SCRIB: variants seen among roughly 807,000 people sequenced by gnomAD.
The protein encoded by SCRIB is protein scribble homolog.
SCRIB carries 72 observed loss-of-function variants against 170.0 expected under a neutral mutation model. That is an observed-to-expected ratio of 0.42 (90% CI 0.35 to 0.52). The LOEUF (loss-of-function observed/expected upper bound fraction) is 0.52, where lower values mean the gene tolerates loss of function less well. SCRIB is among the 20% of genes least tolerant of loss of function. The probability of loss-of-function intolerance (pLI) is 0.02; values close to 1 mark genes in which losing one functional copy is unlikely to be tolerated. For missense variants in SCRIB, 2,475 were observed against 2,338.5 expected (o/e 1.06, Z -1.20); for synonymous variants, 1,298 against 1,044.3 (o/e 1.24, Z -4.68).
At chr8:143,810,638 G>A (rs1284820795) in intron 12 of SCRIB, 34 bp from the exon 13 acceptor site, 5 of 1,606,248 alleles carry the variant, frequency 3.1e-6, no homozygotes, top group Non-Finnish European at 4.3e-6. Context: ...AGCAGCCACA[G>A]GGCAGGGGTC....
rs200905800 is a variant in SCRIB, at chr8:143,811,265, G to A, written c.987C>T (p.Pro329=). The part of the protein sequence containing the change: ...VDRNHLEALP[P]EIGGCVALSV... Reference sequence around the variant, plus strand: ...TGAGTGCCACACAGCCCCCGATCTCGGGCGGCAGCGCCTCGAGGTGGTTCC... The same window carrying A: ...TGAGTGCCACACAGCCCCCGATCTCAGGCGGCAGCGCCTCGAGGTGGTTCC... Residue 329 remains proline, a synonymous_variant, in exon 10 of 37, where the codon CCC becomes CCT. Transcript: ENST00000356994. 9.9e-6 allele frequency: 16 copies of A among 1,612,086 alleles called. No homozygotes were observed. Among genetic ancestry groups the A allele is most frequent in the Admixed American group, 6.7e-5 (4 of 59,918 alleles).
chr8:143,815,661 C>T lies in SCRIB; in HGVS notation c.-289G>A, dbSNP rs1323711865. On this transcript the variant is annotated 5_prime_UTR_variant, in exon 1 of 37. Coordinates refer to ENST00000356994, the MANE Select transcript of SCRIB (RefSeq NM_182706.5). ...CCGCATCCCGCTTGGTCCTGCTCAG[C>T]TCGTCCCGCCCGCTCGTCCGCCCGC... is the stretch of plus-strand genomic sequence containing the variant. The T allele has an allele frequency of 1.0e-6, 1 of 983,138 alleles. No individual in the cohort carries two copies. Among genetic ancestry groups the T allele is most frequent in the Non-Finnish European group, 1.2e-6 (1 of 828,984 alleles). 60.9% of individuals were successfully genotyped at this position (983,138 alleles called of 1,614,324 possible).
Position 143,813,013 on chromosome 8 carries a change from GCCCCACC to G in SCRIB, c.642+10_642+16del, listed in dbSNP as rs1462097886. ...CGGATGGGCACGAAGCAGGGGGCCA[GCCCCACC>G]CTGACTCACCGGGGGCAGTGCTGAC... On this transcript the variant is annotated intron_variant, in intron 7 of 36. Coordinates refer to ENST00000356994, the MANE Select transcript of SCRIB (RefSeq NM_182706.5). The G allele has an allele frequency of 6.2e-7, 1 of 1,607,268 alleles. No homozygotes were observed. Among genetic ancestry groups the G allele is most frequent in the African/African-American group, 1.3e-5 (1 of 74,920 alleles).
At position 143,793,064 on chromosome 8, in the gene SCRIB, G is replaced by A. The variant is rs1423956859; in HGVS notation, c.3929C>T (p.Pro1310Leu). ...CTTCACATTGGCGGGCAGCTCATCC[G>A]GAGAAGGCGGGGAGGGCGGCTGGGG... is the stretch of plus-strand genomic sequence containing the variant. ...SGQQPPSPPSPDELPANVKQA... is the reference protein window; with the variant it reads ...SGQQPPSPPSLDELPANVKQA... The change falls in exon 29 of 37, where the codon CCG becomes CTG. Residue 1310 changes from proline (P) to leucine (L), a missense_variant. Physicochemically the swap from Pro to Leu is moderately conservative, Grantham distance 98. Around this residue, in one of 3 missense-constraint regions of SCRIB, gnomAD observed 1,966 missense variants for 1,742.9 expected, o/e 1.13. Transcript: ENST00000356994. The A allele has an allele frequency of 1.9e-5, 28 of 1,489,126 alleles. No homozygotes were observed. Among genetic ancestry groups the A allele is most frequent in the East Asian group, 7.7e-5 (3 of 39,078 alleles). 92.2% of individuals were successfully genotyped at this position (1,489,126 alleles called of 1,614,324 possible). A position where few individuals can be genotyped will look rare whatever the true frequency, so the allele number is the denominator to read the frequency against.
Position 143,808,955 on chromosome 8 carries a change from T to C in SCRIB, c.1769A>G (p.Glu590Gly). 6.2e-7 allele frequency: 1 copy of C among 1,613,036 alleles called. No individual in the cohort carries two copies. The highest frequency in any genetic ancestry group is 8.5e-7 in the Non-Finnish European group (1 of 1,179,986). Residue 590 changes from glutamate (E) to glycine (G), a missense_variant, in exon 15 of 37, where the codon GAG becomes GGG. By Grantham distance (98) the Glu-to-Gly change is moderately conservative. Transcript: ENST00000356994. Reference protein sequence around the residue: ...DDREIEEGQPEAPWTLPGGRQ... With the variant: ...DDREIEEGQPGAPWTLPGGRQ... ...CCCGCCTGGCAGGGTCCAGGGGGCC[T>C]CAGGCTGCCCCTCCTCGATCTCCCT...
intron 9 of SCRIB, among the ~76,000 whole-genome samples, chr8:143,811,870 G>A (rs1348855114): frequency 2.0e-5 from 3 of 152,138 alleles, no homozygotes; most frequent in Non-Finnish European, 2.9e-5. Context: ...CAACACCACC[G>A]TCCCGAACCG....
In SCRIB at chr8:143,808,908, C is replaced by T; in HGVS notation, c.1816G>A (p.Asp606Asn). The T allele has an allele frequency of 6.2e-7, 1 of 1,610,790 alleles. No individual in the cohort carries two copies. The change falls in exon 15 of 37, where the codon GAC becomes AAC. Residue 606 changes from aspartate (D) to asparagine (N), a missense_variant. Transcript: ENST00000356994. ...PGGRQRLIRK[D>N]TPHYKKHFKI... is the part of the protein sequence containing the mutation. ...AAGTGCTTTTTGTAGTGAGGTGTGT[C>T]CTTGCGGATGAGCCGCTGCCTCCCG...
chr8:143,805,525 G>A, intron 18 of SCRIB, 90 bp from the exon 19 acceptor site: 1 of 1,279,828 alleles, frequency 7.8e-7, no homozygotes, highest in Non-Finnish European at 1.0e-6. Context: ...CTCCAGGATG[G>A]GGAGACTGAG....
In SCRIB at chr8:143,812,787, C is replaced by G. The variant is rs766652106; in HGVS notation, c.787+30G>C. ...TCCTCCCAGGGCCAGGCTCCGTGTG[C>G]CCCACCCAGGCACCCCCAGGCACAC... On this transcript the variant is annotated intron_variant, in intron 8 of 36. Transcript: ENST00000356994. The G allele has an allele frequency of 7.5e-6, 12 of 1,590,434 alleles. No individual in the cohort carries two copies. The East Asian group carries it at 2.5e-4, about 33-fold the overall frequency.
At chr8:143,796,348 G>A (rs963501934) in intron 24 of SCRIB, among the ~76,000 whole-genome samples, 3 of 152,160 alleles carry the variant, frequency 2.0e-5, no homozygotes, top group South Asian at 2.1e-4. Context: ...CATCACAGAC[G>A]GGGTCCCTGC....
intron 14 of SCRIB, 49 bp downstream of exon 14, chr8:143,809,501 GC>G (rs1815604418): frequency 1.3e-6 from 2 of 1,573,814 alleles, no homozygotes; most frequent in Non-Finnish European, 8.6e-7. Flanking sequence ...AGGGGAGGCA[GC>G]CCCCACCCAG....
intron 24 of SCRIB, among the ~76,000 whole-genome samples, chr8:143,800,565 A>G (rs993357690): frequency 2.6e-5 from 4 of 152,248 alleles, no homozygotes; most frequent in Non-Finnish European, 4.4e-5. Flanking sequence ...GACACCCTAG[A>G]GAAAAGCTCG....
Position 143,790,952 on chromosome 8 carries a change from A to T in SCRIB, c.*211T>A. 2.2e-6 allele frequency: 1 copy of T among 462,404 alleles called. No homozygotes were observed. Among genetic ancestry groups the T allele is most frequent in the Non-Finnish European group, 3.6e-6 (1 of 281,266 alleles). 28.6% of individuals were successfully genotyped at this position (462,404 alleles called of 1,614,324 possible). A position where few individuals can be genotyped will look rare whatever the true frequency, so the allele number is the denominator to read the frequency against. On this transcript the variant is annotated 3_prime_UTR_variant, in exon 37 of 37. Transcript: ENST00000356994. ...AAATGTAGTCAACTTTATTCTCCTT[A>T]AACCACAAAATAGAGTCTTTGGTTG... is the stretch of plus-strand genomic sequence containing the variant.
At chr8:143,803,321 C>T (rs1815252408) in intron 24 of SCRIB, 62 bp downstream of exon 24, 12 of 1,431,924 alleles carry the variant, frequency 8.4e-6, no homozygotes, top group South Asian at 2.8e-5. Flanking sequence ...GAGGTGTCAG[C>T]GGCTCACAAC....
chr8:143,803,142 C>T (rs1181167333), intron 24 of SCRIB, among the ~76,000 whole-genome samples: 2 of 152,190 alleles, frequency 1.3e-5, no homozygotes, highest in Admixed American at 6.5e-5. Context: ...CATCCGTTCA[C>T]GTGCCTCGTC....
intron 24 of SCRIB, among the ~76,000 whole-genome samples, chr8:143,797,870 G>T (rs1815010154): frequency 6.6e-6 from 1 of 152,264 alleles, no homozygotes; most frequent in South Asian, 2.1e-4. Flanking sequence ...CGGCGCAGTG[G>T]GTGAGCCATG....
rs537476650 is a variant in SCRIB at position 143,800,211 on chromosome 8, C to T, written c.3603+3172G>A. ...TCAAGCCCCAAGCCCGCTGATGAAA[C>T]CTCCATGGGCTGAACCAACCCTACT... On this transcript the variant is annotated intron_variant, in intron 24 of 36. Transcript: ENST00000356994. Among the ~76,000 whole-genome samples, 7 of 152,286 alleles carry T rather than the reference C, an allele frequency of 4.6e-5. No individual in the cohort carries two copies. The East Asian group carries it at 5.8e-4, about 13-fold the overall frequency.
chr8:143,798,756 C>G (rs1815050514), intron 24 of SCRIB, among the ~76,000 whole-genome samples: 1 of 152,166 alleles, frequency 6.6e-6, no homozygotes, highest in African/African-American at 2.4e-5. Flanking sequence ...CAGCCTCCAT[C>G]TGCTGCAGAG....
chr8:143,808,471 T>C, intron 15 of SCRIB, 138 bp downstream of exon 15: 1 of 1,041,332 alleles, frequency 9.6e-7, no homozygotes. Context: ...ATGCCGACTG[T>C]GGAGCACACG....
Sources: gnomAD v4.1 joint callset for allele counts (sites outside exome capture counted in the v4.1 genomes callset) on GRCh38, gnomAD v4.1.1 for gene constraint, gnomAD v4.1.1 regional missense constraint, MANE v1.5 for transcripts, NCBI Gene and HGNC (gene_info 2026-07-23, HGNC 2026-07-21) for gene names.